LRRC4C: variants seen among roughly 807,000 people sequenced by gnomAD.
LRRC4C encodes leucine rich repeat containing 4C, also known as leucine-rich repeat-containing protein 4C.
In LRRC4C, 5 loss-of-function variants were observed where a neutral mutation model predicts 33.6. The ratio of observed to expected loss-of-function variants is 0.15; its 90% CI spans 0.08 to 0.31. LRRC4C has a LOEUF of 0.31. Ranked by LOEUF, LRRC4C falls within the 10% of genes least tolerant of loss-of-function variation. The pLI, the probability that LRRC4C is intolerant of heterozygous loss-of-function variation, is 1.00. For missense variants in LRRC4C, 560 were observed against 796.7 expected, an observed-to-expected ratio of 0.70 and a Z score of 3.58; for synonymous variants, 329 against 302.0, an observed-to-expected ratio of 1.09 and a Z score of -0.93.
chr11:40,442,978 G>C (rs1479712113), intron 3 of LRRC4C, among the ~76,000 whole-genome samples: 1 of 152,170 alleles, frequency 6.6e-6, no homozygotes, highest in Non-Finnish European at 1.5e-5. Flanking sequence ...TAGGAGATAA[G>C]TGATTCAAAA....
intron 1 of LRRC4C, among the ~76,000 whole-genome samples, chr11:41,150,735 G>A (rs1471116827): frequency 6.6e-6 from 1 of 151,696 alleles, no homozygotes; most frequent in Non-Finnish European, 1.5e-5. Flanking sequence ...GTTGCAGTGA[G>A]CCGAGATCAT....
intron 3 of LRRC4C, among the ~76,000 whole-genome samples, chr11:40,490,993 A>G (rs1277441640): frequency 6.6e-6 from 1 of 152,106 alleles, no homozygotes; most frequent in Non-Finnish European, 1.5e-5. Context: ...TGTTATAAAA[A>G]TGTGTATAGG....
intron 1 of LRRC4C, among the ~76,000 whole-genome samples, chr11:41,121,663 C>T (rs1343201359): frequency 2.0e-5 from 3 of 152,108 alleles, no homozygotes; most frequent in Non-Finnish European, 4.4e-5. Flanking sequence ...TTAACCTGAA[C>T]ATTTTCTCTG....
At chr11:41,091,382 T>C (rs1300592990) in intron 1 of LRRC4C, among the ~76,000 whole-genome samples, 1 of 151,966 alleles carries the variant, frequency 6.6e-6, no homozygotes, top group Non-Finnish European at 1.5e-5. Context: ...CACTAAGCAG[T>C]AAACAAATTG....
At chr11:41,449,715 G>A (rs939692157) in intron 1 of LRRC4C, among the ~76,000 whole-genome samples, 8 of 150,462 alleles carry the variant, frequency 5.3e-5, no homozygotes, top group Admixed American at 5.3e-4. Flanking sequence ...CCCTACCCAG[G>A]GATGATAGTA....
At chr11:41,072,618 C>A (rs1938790039) in intron 1 of LRRC4C, among the ~76,000 whole-genome samples, 1 of 152,188 alleles carries the variant, frequency 6.6e-6, no homozygotes, top group South Asian at 2.1e-4. Context: ...GCCTGTGGAG[C>A]TGTAAGTCAA....
rs181128168 is a variant in LRRC4C, at chr11:41,050,173, C to T, written c.-495-116450G>A. ...GTCACTCAGAACTAATTTTGAATTACAATTCCATCACTTAATAGTTCTGTG... is the reference window on the plus strand; with the variant it reads ...GTCACTCAGAACTAATTTTGAATTATAATTCCATCACTTAATAGTTCTGTG... On this transcript the variant is annotated intron_variant, in intron 1 of 6. Transcript: ENST00000528697. Among the ~76,000 whole-genome samples the T allele has an allele frequency of 6.6e-5, 10 of 152,256 alleles. No homozygotes were observed. The East Asian group carries it at 1.7e-3, about 27-fold the overall frequency.
At chr11:40,757,085 T>C (rs1489318752) in intron 2 of LRRC4C, among the ~76,000 whole-genome samples, 2 of 152,080 alleles carry the variant, frequency 1.3e-5, no homozygotes, top group African/African-American at 2.4e-5. Flanking sequence ...TCTTGAAACC[T>C]TTCCCCTTTC....
intron 3 of LRRC4C, among the ~76,000 whole-genome samples, chr11:40,368,773 GA>G (rs1948324655): frequency 1.3e-5 from 2 of 152,134 alleles, no homozygotes; most frequent in African/African-American, 4.8e-5. Flanking sequence ...GTGCTGATGT[GA>G]ATGTTACCCG....
intron 1 of LRRC4C, among the ~76,000 whole-genome samples, chr11:40,985,910 C>T (rs1852956155): frequency 6.6e-6 from 1 of 151,964 alleles, no homozygotes; most frequent in Non-Finnish European, 1.5e-5. Flanking sequence ...AGGGGTAAAA[C>T]AGCATGATAA....
intron 1 of LRRC4C, among the ~76,000 whole-genome samples, chr11:41,090,410 G>A (rs1940328137): frequency 6.6e-6 from 1 of 151,922 alleles, no homozygotes; most frequent in South Asian, 2.1e-4. Flanking sequence ...TATTGAGCAT[G>A]CACTGCATTT....
chr11:40,887,138 CT>C (rs1955505488), intron 2 of LRRC4C, among the ~76,000 whole-genome samples: 1 of 151,558 alleles, frequency 6.6e-6, no homozygotes, highest in African/African-American at 2.4e-5. Context: ...TTTGAACTGA[CT>C]TTCTAGGTCA....
intron 1 of LRRC4C, among the ~76,000 whole-genome samples, chr11:41,079,467 A>C (rs1939400884): frequency 6.6e-6 from 1 of 152,230 alleles, no homozygotes; most frequent in Admixed American, 6.5e-5. Flanking sequence ...ATAAATTAAA[A>C]AATCTTTAGG....
chr11:40,547,602 A>G (rs1956975726), intron 3 of LRRC4C, among the ~76,000 whole-genome samples: 1 of 152,084 alleles, frequency 6.6e-6, no homozygotes, highest in East Asian at 1.9e-4. Context: ...TTTCAAAAAG[A>G]TGAAACACAT....
chr11:41,317,624 T>C (rs191084842), intron 1 of LRRC4C, among the ~76,000 whole-genome samples: 250 of 152,130 alleles, frequency 1.6e-3, no homozygotes, highest in East Asian at 9.3e-3. Context: ...TTATTTGTAT[T>C]ATTATTATTA....
At chr11:40,793,973 A>T (rs1950723846) in intron 2 of LRRC4C, among the ~76,000 whole-genome samples, 1 of 152,114 alleles carries the variant, frequency 6.6e-6, no homozygotes, top group Admixed American at 6.5e-5. Flanking sequence ...TATTATCTTC[A>T]TATAAACTCA....
Position 40,406,009 on chromosome 11 carries a change from G to A in LRRC4C, c.-269-86288C>T, listed in dbSNP as rs189019215. Among the ~76,000 whole-genome samples the A allele has an allele frequency of 2.3e-3, 350 of 151,986 alleles. 9 individuals are homozygous for A. Among genetic ancestry groups the A allele is most frequent in the Admixed American group, 0.019 (292 of 15,244 alleles). On this transcript the variant is annotated intron_variant, in intron 3 of 6. Transcript: ENST00000528697. Reference sequence around the variant, plus strand: ...CATCTTGTTTGTGACACTGTATATCGGATCTCTTTATAAAAGTATCTTGTC... The same window carrying A: ...CATCTTGTTTGTGACACTGTATATCAGATCTCTTTATAAAAGTATCTTGTC...
chr11:41,264,746 C>T (rs747258216), intron 1 of LRRC4C, among the ~76,000 whole-genome samples: 2 of 152,012 alleles, frequency 1.3e-5, no homozygotes, highest in Admixed American at 1.3e-4. Flanking sequence ...CCTTAAGGAG[C>T]TTAAAACAGA....
chr11:41,448,357 G>A (rs1242441365), intron 1 of LRRC4C, among the ~76,000 whole-genome samples: 1 of 144,374 alleles, frequency 6.9e-6, no homozygotes, highest in Admixed American at 7.1e-5. Flanking sequence ...CCAGGCTGGA[G>A]TGTAATGGTA....
Sources: gnomAD v4.1 joint callset for allele counts (sites outside exome capture counted in the v4.1 genomes callset) on GRCh38, gnomAD v4.1.1 for gene constraint, MANE v1.5 for transcripts, NCBI Gene and HGNC (gene_info 2026-07-23, HGNC 2026-07-21) for gene names.